The following EXOC2 variants were observed in gnomAD, a reference collection of about 807,000 sequenced individuals.
EXOC2 encodes the protein SEC5-like 1.
A neutral mutation model predicts 131.8 loss-of-function variants in EXOC2; 70 were observed. The ratio of observed to expected loss-of-function variants is 0.53; its 90% CI spans 0.44 to 0.65. The LOEUF (loss-of-function observed/expected upper bound fraction) is 0.65, where lower values mean the gene tolerates loss of function less well. Ranked by LOEUF, EXOC2 falls within the 30% of genes least tolerant of loss-of-function variation. The pLI is 0.00. For missense variants in EXOC2, 923 were observed against 1,108.6 expected (o/e 0.83, Z 2.38); for synonymous variants, 411 against 398.4 (o/e 1.03, Z -0.38).
chr6:514,050 C>A (rs893496371), intron 23 of EXOC2, among the ~76,000 whole-genome samples: 2 of 152,192 alleles, frequency 1.3e-5, no homozygotes, highest in African/African-American at 4.8e-5. Context: ...GGCAGAAGTC[C>A]CAGTTTGTCA....
At chr6:598,738 T>A in intron 9 of EXOC2, 122 bp downstream of exon 9, 5 of 689,236 alleles carry the variant, frequency 7.3e-6, no homozygotes, top group Non-Finnish European at 1.2e-5. Context: ...TTGCTTTACA[T>A]TGTAAAGAGA....
chr6:596,484 C>G (rs1281504650), intron 10 of EXOC2, among the ~76,000 whole-genome samples: 1 of 150,434 alleles, frequency 6.6e-6, no homozygotes, highest in Non-Finnish European at 1.5e-5. Context: ...CCTACTGCCT[C>G]AGGCTCCTGA....
chr6:619,943 C>T (rs926028876), intron 4 of EXOC2, among the ~76,000 whole-genome samples: 5 of 152,136 alleles, frequency 3.3e-5, no homozygotes, highest in Non-Finnish European at 5.9e-5. Flanking sequence ...TATTAAATCA[C>T]TTTGTTAAAA....
At chr6:581,625 A>C in intron 11 of EXOC2, among the ~76,000 whole-genome samples, 1 of 152,182 alleles carries the variant, frequency 6.6e-6, no homozygotes, top group East Asian at 1.9e-4. Context: ...TATTCTTAGG[A>C]TCTAGCTATA....
At chr6:589,983 C>T (rs904111889) in intron 11 of EXOC2, among the ~76,000 whole-genome samples, 6 of 152,126 alleles carry the variant, frequency 3.9e-5, no homozygotes, top group African/African-American at 1.4e-4. Flanking sequence ...GGCGTGGTAG[C>T]GGGCGCCTGT....
At chr6:577,031 T>C in intron 11 of EXOC2, 149 bp from the exon 12 acceptor site, 1 of 716,576 alleles carries the variant, frequency 1.4e-6, no homozygotes. Flanking sequence ...TAAAAAGTAT[T>C]TTCTCTAAAC....
chr6:625,321 C>T (rs556618990), intron 4 of EXOC2, among the ~76,000 whole-genome samples: 2 of 152,218 alleles, frequency 1.3e-5, no homozygotes, highest in African/African-American at 4.8e-5. Flanking sequence ...CTGGCTGCAG[C>T]GGTGTTATTC....
At chr6:626,449 C>T (rs1761571741) in intron 4 of EXOC2, among the ~76,000 whole-genome samples, 1 of 152,228 alleles carries the variant, frequency 6.6e-6, no homozygotes, top group Non-Finnish European at 1.5e-5. Context: ...CCGGACACCA[C>T]ACGCAGGGCC....
At chr6:556,351 C>G in intron 18 of EXOC2, 133 bp downstream of exon 18, 2 of 915,396 alleles carry the variant, frequency 2.2e-6, no homozygotes, top group Admixed American at 2.2e-5. Flanking sequence ...AGCACATCTA[C>G]GCAGTTAAAC....
At chr6:495,878 C>G (rs6915195) in intron 25 of EXOC2, among the ~76,000 whole-genome samples, 1 of 151,702 alleles carries the variant, frequency 6.6e-6, no homozygotes, top group East Asian at 1.9e-4. Context: ...TCCCACGGGT[C>G]GAGAGCTCCG....
intron 4 of EXOC2, among the ~76,000 whole-genome samples, chr6:620,389 C>G (rs1344119718): frequency 6.6e-6 from 1 of 152,170 alleles, no homozygotes; most frequent in Non-Finnish European, 1.5e-5. Context: ...TCGGCAGCCT[C>G]AAAGGGACTA....
At chr6:509,451 G>T (rs528377274) in intron 23 of EXOC2, among the ~76,000 whole-genome samples, 1 of 152,162 alleles carries the variant, frequency 6.6e-6, no homozygotes, top group South Asian at 2.1e-4. Context: ...TCTTAACTTG[G>T]ATTCTCTGAT....
intron 1 of EXOC2, among the ~76,000 whole-genome samples, chr6:648,717 T>A (rs1405177818): frequency 3.5e-3 from 10 of 2,846 alleles, no homozygotes; most frequent in Non-Finnish European, 7.3e-3. Context: ...TTAAAAACTC[T>A]TTTTTTTTTT....
chr6:671,351 C>A (rs200532794), intron 1 of EXOC2, among the ~76,000 whole-genome samples: 3,529 of 147,274 alleles, frequency 0.024, 59 homozygotes, highest in Middle Eastern at 0.055. Context: ...ACAACAACAA[C>A]AACAAAAAAA....
intron 2 of EXOC2, among the ~76,000 whole-genome samples, chr6:635,829 G>A (rs186811336): frequency 8.5e-5 from 13 of 152,394 alleles, no homozygotes; most frequent in Middle Eastern, 3.4e-3. Flanking sequence ...TTGGGAGACC[G>A]AGGCAGGCGG....
At chr6:511,667 G>A (rs1237080451) in intron 23 of EXOC2, among the ~76,000 whole-genome samples, 1 of 152,244 alleles carries the variant, frequency 6.6e-6, no homozygotes, top group African/African-American at 2.4e-5. Context: ...AGGGGCCTGC[G>A]TTTCTAAAGC....
intron 7 of EXOC2, 107 bp from the exon 8 acceptor site, chr6:599,332 G>C: frequency 9.6e-7 from 1 of 1,046,124 alleles, no homozygotes; most frequent in Non-Finnish European, 1.3e-6. Flanking sequence ...GTAGTTTTAC[G>C]TTAAAACTCA....
chr6:560,352 A>T (rs1757634365), intron 17 of EXOC2, among the ~76,000 whole-genome samples: 1 of 152,216 alleles, frequency 6.6e-6, no homozygotes, highest in Admixed American at 6.5e-5. Flanking sequence ...AATCAAGTGC[A>T]ATAAGTTTTC....
chr6:573,706 TTAA>T (rs1758419299), intron 12 of EXOC2, among the ~76,000 whole-genome samples: 1 of 151,550 alleles, frequency 6.6e-6, no homozygotes, highest in Non-Finnish European at 1.5e-5. Flanking sequence ...TAAAATTGTA[TTAA>T]TAATTTATTA....
Sources: gnomAD v4.1 joint callset for allele counts (sites outside exome capture counted in the v4.1 genomes callset) on GRCh38, gnomAD v4.1.1 for gene constraint, MANE v1.5 for transcripts, NCBI Gene and HGNC (gene_info 2026-07-23, HGNC 2026-07-21) for gene names.